The following MAST2 variants were observed in gnomAD, a reference collection of about 807,000 sequenced individuals.
The protein encoded by MAST2 is microtubule-associated serine/threonine-protein kinase 2.
In MAST2, 70 loss-of-function variants were observed where a neutral mutation model predicts 147.4. That is an observed-to-expected ratio of 0.47 (90% confidence interval 0.39 to 0.58). The LOEUF (loss-of-function observed/expected upper bound fraction) is 0.58, where lower values mean the gene tolerates loss of function less well. Ranked by LOEUF, MAST2 falls within the 20% of genes least tolerant of loss-of-function variation. The probability of loss-of-function intolerance (pLI) is 0.00; values close to 1 mark genes in which losing one functional copy is unlikely to be tolerated. For missense variants in MAST2, 2,080 were observed against 2,302.3 expected (o/e 0.90, Z 1.98); for synonymous variants, 869 against 896.8 (o/e 0.97, Z 0.55).
intron 4 of MAST2, among the ~76,000 whole-genome samples, chr1:45,901,186 GAGAT>G (rs1649702784): frequency 2.6e-5 from 4 of 152,080 alleles, no homozygotes; most frequent in Admixed American, 2.6e-4. Context: ...TATATGGTGA[GAGAT>G]AGGGGTCCAG....
At chr1:45,873,588 C>A (rs1646485126) in intron 3 of MAST2, among the ~76,000 whole-genome samples, 1 of 152,038 alleles carries the variant, frequency 6.6e-6, no homozygotes, top group African/African-American at 2.4e-5. Context: ...GTGAGAAAGG[C>A]AGAGTAGGTA....
chr1:46,008,008 C>G (rs1211039907), intron 8 of MAST2, among the ~76,000 whole-genome samples: 1 of 152,112 alleles, frequency 6.6e-6, no homozygotes, highest in Non-Finnish European at 1.5e-5. Flanking sequence ...GGGAGTTTAT[C>G]CTGGGAAAGC....
At chr1:45,875,634 G>A (rs754191924) in intron 3 of MAST2, among the ~76,000 whole-genome samples, 1 of 152,044 alleles carries the variant, frequency 6.6e-6, no homozygotes, top group South Asian at 2.1e-4. Context: ...CGGGGAAGTA[G>A]AAGTGAATTG....
intron 4 of MAST2, among the ~76,000 whole-genome samples, chr1:45,899,997 C>G (rs964115885): frequency 4.6e-5 from 7 of 151,414 alleles, no homozygotes; most frequent in African/African-American, 1.2e-4. Flanking sequence ...TGGTAAAACC[C>G]TGTCTCTACT....
At chr1:45,967,910 G>A (rs778259264) in intron 5 of MAST2, among the ~76,000 whole-genome samples, 6 of 152,146 alleles carry the variant, frequency 3.9e-5, no homozygotes, top group Non-Finnish European at 5.9e-5. Flanking sequence ...TTATATATAA[G>A]CACATGTGTG....
intron 3 of MAST2, among the ~76,000 whole-genome samples, chr1:45,831,530 A>C (rs1644955646): frequency 6.6e-6 from 1 of 152,078 alleles, no homozygotes; most frequent in African/African-American, 2.4e-5. Context: ...TTTATTTTGA[A>C]ATTTTGAAAT....
intron 28 of MAST2, 24 bp from the exon 29 acceptor site, chr1:46,034,514 C>T: frequency 1.3e-6 from 2 of 1,599,480 alleles, no homozygotes; most frequent in Non-Finnish European, 1.7e-6. Flanking sequence ...TTTTGTCTGT[C>T]TGTCTGTCTG....
At chr1:45,990,033 T>C (rs887988220) in intron 5 of MAST2, among the ~76,000 whole-genome samples, 46 of 152,244 alleles carry the variant, frequency 3.0e-4, no homozygotes, top group Non-Finnish European at 6.3e-4. Context: ...ATAAACTTGC[T>C]ATACACATTC....
intron 2 of MAST2, among the ~76,000 whole-genome samples, chr1:45,826,392 G>A (rs1325501424): frequency 2.0e-5 from 3 of 152,014 alleles, no homozygotes; most frequent in South Asian, 4.2e-4. Flanking sequence ...CTCCTCTGTC[G>A]CCCAGGCTGG....
At chr1:45,923,243 T>G (rs1422236459) in intron 4 of MAST2, among the ~76,000 whole-genome samples, 1 of 152,048 alleles carries the variant, frequency 6.6e-6, no homozygotes, top group Non-Finnish European at 1.5e-5. Flanking sequence ...TAGGGGGGCT[T>G]CCAAAGGAGG....
chr1:45,830,181 C>CTTTT (rs11407885), intron 3 of MAST2, among the ~76,000 whole-genome samples: 6 of 108,252 alleles, frequency 5.5e-5, no homozygotes, highest in East Asian at 2.7e-4. Flanking sequence ...TTAATTGAAT[C>CTTTT]TTTTTTTTTT....
At chr1:45,956,190 G>A (rs1398091754) in intron 4 of MAST2, among the ~76,000 whole-genome samples, 1 of 152,036 alleles carries the variant, frequency 6.6e-6, no homozygotes, top group Non-Finnish European at 1.5e-5. Flanking sequence ...TATTTTTTTA[G>A]TGGTTCTACT....
At chr1:45,828,848 T>C (rs954889310) in intron 2 of MAST2, among the ~76,000 whole-genome samples, 4 of 151,676 alleles carry the variant, frequency 2.6e-5, no homozygotes, top group Non-Finnish European at 5.9e-5. Flanking sequence ...CGCTTGAGCC[T>C]GGGAGGCAGA....
intron 5 of MAST2, among the ~76,000 whole-genome samples, chr1:45,965,084 CAGTT>C (rs1162376692): frequency 2.6e-5 from 4 of 152,112 alleles, no homozygotes; most frequent in African/African-American, 9.7e-5. Context: ...GTGTGAGAGA[CAGTT>C]TGTTACAATT....
intron 5 of MAST2, among the ~76,000 whole-genome samples, chr1:45,987,589 A>C (rs1644678587): frequency 6.6e-6 from 1 of 151,918 alleles, no homozygotes; most frequent in African/African-American, 2.4e-5. Context: ...TGGAATTACA[A>C]ACGTTAGCCA....
chr1:45,881,140 A>T (rs931938017), intron 3 of MAST2, among the ~76,000 whole-genome samples: 16 of 152,196 alleles, frequency 1.1e-4, no homozygotes, highest in African/African-American at 3.6e-4. Context: ...ACATCCAAGA[A>T]ACTTTTTCTA....
chr1:45,875,931 C>G (rs1233549403), intron 3 of MAST2, among the ~76,000 whole-genome samples: 1 of 151,900 alleles, frequency 6.6e-6, no homozygotes, highest in East Asian at 1.9e-4. Context: ...AGTGTACAAG[C>G]AGAACTAAAA....
At chr1:45,916,120 A>G (rs931612897) in intron 4 of MAST2, among the ~76,000 whole-genome samples, 6 of 152,200 alleles carry the variant, frequency 3.9e-5, no homozygotes, top group African/African-American at 1.4e-4. Flanking sequence ...AAGTAAACTG[A>G]AGACCACTAG....
At chr1:45,821,593 C>T (rs1171622851) in intron 1 of MAST2, among the ~76,000 whole-genome samples, 5 of 146,370 alleles carry the variant, frequency 3.4e-5, no homozygotes, top group South Asian at 2.2e-4. Context: ...GATCTTGGCT[C>T]GCTGCAACCT....
Sources: allele counts gnomAD v4.1 joint callset (sites outside exome capture counted in the v4.1 genomes callset), GRCh38; gene constraint gnomAD v4.1.1; transcripts MANE v1.5; gene names NCBI Gene and HGNC (gene_info 2026-07-23, HGNC 2026-07-21).